The following PDHX variants were observed in gnomAD, a reference collection of about 807,000 sequenced individuals.
PDHX encodes pyruvate dehydrogenase protein X component, mitochondrial.
A neutral mutation model predicts 55.3 loss-of-function variants in PDHX; 33 were observed. The ratio of observed to expected loss-of-function variants is 0.60; its 90% CI spans 0.45 to 0.80. The LOEUF is 0.80. Among genes scored for constraint, PDHX ranks in the 30% least tolerant of loss-of-function variants. The pLI is 0.00. For missense variants in PDHX, 622 were observed against 619.9 expected (o/e 1.00, Z -0.04); for synonymous variants, 226 against 219.4 (o/e 1.03, Z -0.27).
chr11:34,941,398 A>G (rs1854474934), intron 2 of PDHX, among the ~76,000 whole-genome samples: 1 of 152,194 alleles, frequency 6.6e-6, no homozygotes, highest in East Asian at 1.9e-4. Context: ...TTATTTTATT[A>G]CTATTTTTAT....
intron 9 of PDHX, among the ~76,000 whole-genome samples, chr11:34,991,866 C>T (rs902373070): frequency 7.1e-6 from 1 of 140,872 alleles, no homozygotes; most frequent in African/African-American, 2.7e-5. Flanking sequence ...GCCATAATCA[C>T]ACCACTGCAC....
At chr11:34,947,285 A>G (rs1854642345) in intron 2 of PDHX, among the ~76,000 whole-genome samples, 1 of 152,132 alleles carries the variant, frequency 6.6e-6, no homozygotes, top group African/African-American at 2.4e-5. Context: ...TATCACAAGT[A>G]TAATTTATGT....
chr11:34,933,312 A>C (rs1284517437), intron 2 of PDHX, among the ~76,000 whole-genome samples: 1 of 152,136 alleles, frequency 6.6e-6, no homozygotes, highest in Non-Finnish European at 1.5e-5. Context: ...GCACTATTTC[A>C]AATGTCAGAT....
Position 34,960,508 on chromosome 11 carries a change from T to C in PDHX, c.631T>C (p.Phe211Leu), listed in dbSNP as rs1293604955. 3 of 1,589,362 alleles carry C rather than the reference T, an allele frequency of 1.9e-6. No individual in the cohort carries two copies. In the East Asian group the frequency reaches 6.7e-5, roughly 36 times the overall value. Residue 211 changes from phenylalanine (F) to leucine (L), a missense_variant, in exon 5 of 11, where the codon TTC (phenylalanine) becomes CTC (leucine). Physicochemically the swap from Phe to Leu is conservative, Grantham distance 22. Transcript: ENST00000227868. ...QGTATGPRGI[F>L]TKEDALKLVQ... ...CACAGCCACTGGCCCTCGGGGGATA[T>C]TCACTAAAGAGTATGTGTTTGCTTT...
At chr11:34,936,521 G>A (rs1475890141) in intron 2 of PDHX, among the ~76,000 whole-genome samples, 2 of 152,084 alleles carry the variant, frequency 1.3e-5, no homozygotes, top group African/African-American at 2.4e-5. Context: ...AGAATAAATG[G>A]GCTTTTTAAA....
At chr11:34,982,946 C>A (rs920491722) in intron 8 of PDHX, among the ~76,000 whole-genome samples, 8 of 152,188 alleles carry the variant, frequency 5.3e-5, no homozygotes, top group Non-Finnish European at 1.2e-4. Flanking sequence ...ATCCTGATAC[C>A]AAAGCCGGGC....
chr11:34,916,520 T>TGA, upstream of PDHX: 2 of 1,401,764 alleles, frequency 1.4e-6, no homozygotes, highest in Non-Finnish European at 1.9e-6. Context: ...GGGGCTGGGT[T>TGA]GGGGGGCGGG....
Position 34,994,945 on chromosome 11 carries a change from G to A in PDHX, c.1279G>A (p.Glu427Lys), listed in dbSNP as rs371811647. ...ISNLGMFGID[E>K]FTAVINPPQA... The stretch of plus-strand genomic sequence containing the variant: ...CAACTTGGGGATGTTTGGCATCGAC[G>A]AATTTACTGCAGTGATTAACCCTCC... Residue 427 changes from glutamate (E) to lysine (K), a missense_variant, in exon 11 of 11, where the codon GAA becomes AAA. Physicochemically the swap from Glu to Lys is moderately conservative, Grantham distance 56. Transcript: ENST00000227868. 6.8e-6 allele frequency: 11 copies of A among 1,613,830 alleles called. No individual in the cohort carries two copies. The highest frequency in any genetic ancestry group is 4.4e-5 in the South Asian group (4 of 91,054).
In PDHX at chr11:34,992,296, C is replaced by A. The variant is rs1447420710; in HGVS notation, c.1183-19C>A. 6.6e-7 allele frequency: 1 copy of A among 1,509,230 alleles called. No individual in the cohort carries two copies. Among genetic ancestry groups the A allele is most frequent in the Non-Finnish European group, 9.2e-7 (1 of 1,085,654 alleles). The allele number at this position is 1,509,230 out of a possible 1,614,324, so 93.5% of individuals were successfully genotyped here. Reference sequence around the variant, plus strand: ...ATAACATTTTGTTGGTTGTCCTATTCTGTTTGTATTTTTCTCAGGCTCTAT... The same window carrying A: ...ATAACATTTTGTTGGTTGTCCTATTATGTTTGTATTTTTCTCAGGCTCTAT... On this transcript the variant is annotated intron_variant, in intron 9 of 10. Transcript: ENST00000227868.
At chr11:34,978,892 A>C (rs1855441751) in intron 8 of PDHX, among the ~76,000 whole-genome samples, 1 of 152,150 alleles carries the variant, frequency 6.6e-6, no homozygotes, top group Non-Finnish European at 1.5e-5. Context: ...GTTTTGAACA[A>C]ATAACTAATG....
intron 4 of PDHX, 81 bp from the exon 5 acceptor site, chr11:34,960,339 G>A (rs1854996447): frequency 4.5e-6 from 4 of 882,550 alleles, no homozygotes; most frequent in Non-Finnish European, 7.4e-6. Context: ...TTAATTATTT[G>A]CGAAACTGTT....
intron 1 of PDHX, among the ~76,000 whole-genome samples, chr11:34,920,925 T>G (rs1318250360): frequency 6.6e-6 from 1 of 152,228 alleles, no homozygotes; most frequent in East Asian, 1.9e-4. Context: ...TTCTCTCACC[T>G]GCCTGTTTTT....
chr11:34,951,801 G>A (rs1398524844), intron 3 of PDHX, among the ~76,000 whole-genome samples: 2 of 152,106 alleles, frequency 1.3e-5, no homozygotes, highest in East Asian at 1.9e-4. Flanking sequence ...GTAATGCCTA[G>A]GTTTTCTTCT....
At chr11:34,931,812 TTGTGTGTGTGTGTG>T (rs35425265) in intron 2 of PDHX, among the ~76,000 whole-genome samples, 31 of 146,150 alleles carry the variant, frequency 2.1e-4, no homozygotes, top group African/African-American at 5.2e-4. Flanking sequence ...TTTATCATGA[TTGTGTGTGTGTGTG>T]TGTGTGTGTG....
chr11:34,950,282 C>T (rs914030853), intron 3 of PDHX, among the ~76,000 whole-genome samples: 4 of 151,594 alleles, frequency 2.6e-5, no homozygotes, highest in African/African-American at 9.7e-5. Flanking sequence ...AAAATAGCCT[C>T]TCAGAGCTCA....
chr11:34,951,381 C>T (rs867749355), intron 3 of PDHX, among the ~76,000 whole-genome samples: 301 of 152,068 alleles, frequency 2.0e-3, no homozygotes, highest in African/African-American at 7.0e-3. Flanking sequence ...TTTTAATGAT[C>T]GCCATTCTAA....
intron 2 of PDHX, among the ~76,000 whole-genome samples, chr11:34,933,218 A>G (rs769805590): frequency 6.6e-6 from 1 of 152,212 alleles, no homozygotes; most frequent in Non-Finnish European, 1.5e-5. Context: ...AGCCCTAAAG[A>G]TTGAAACGAG....
Position 34,957,481 on chromosome 11 carries a change from T to C in PDHX, c.440T>C (p.Val147Ala). 6.2e-7 allele frequency: 1 copy of C among 1,613,924 alleles called. No homozygotes were observed. The highest frequency in any genetic ancestry group is 8.5e-7 in the Non-Finnish European group (1 of 1,179,802). ...AAACATGTTGAAATTCCCAAAGACGTAGGTCCTCCACCACCAGTTTCAAAA... is the reference window on the plus strand; with the variant it reads ...AAACATGTTGAAATTCCCAAAGACGCAGGTCCTCCACCACCAGTTTCAAAA... The part of the protein sequence containing the change: ...DWKHVEIPKD[V>A]GPPPPVSKPS... The change falls in exon 4 of 11, where the codon GTA (valine) becomes GCA (alanine). Residue 147 changes from valine (V) to alanine (A), a missense_variant. Transcript: ENST00000227868.
intron 3 of PDHX, among the ~76,000 whole-genome samples, chr11:34,952,151 G>C (rs965324323): frequency 1.5e-4 from 22 of 147,396 alleles, no homozygotes; most frequent in African/African-American, 5.9e-4. Context: ...GGAAGAAGTT[G>C]AATCTGAATA....
Sources: gnomAD v4.1 joint callset for allele counts (sites outside exome capture counted in the v4.1 genomes callset) on GRCh38, gnomAD v4.1.1 for gene constraint, MANE v1.5 for transcripts, NCBI Gene and HGNC (gene_info 2026-07-23, HGNC 2026-07-21) for gene names.